MPDZ: variants seen among roughly 807,000 people sequenced by gnomAD.
MPDZ encodes the protein multiple PDZ domain crumbs cell polarity complex component, also known as multiple PDZ domain protein.
A neutral mutation model predicts 239.1 loss-of-function variants in MPDZ; 234 were observed. The ratio of observed to expected loss-of-function variants is 0.98; its 90% CI spans 0.88 to 1.09. The LOEUF is 1.09. MPDZ is among the 50% of genes least tolerant of loss of function. The pLI, the probability that MPDZ is intolerant of heterozygous loss-of-function variation, is 0.00. For synonymous variants in MPDZ, 1,048 were observed against 881.3 expected, an observed-to-expected ratio of 1.19 and a Z score of -3.35; for missense variants, 3,175 against 2,510.0, an observed-to-expected ratio of 1.26 and a Z score of -5.66.
At chr9:13,160,463 T>A (rs1191530789) in intron 23 of MPDZ, among the ~76,000 whole-genome samples, 1 of 152,136 alleles carries the variant, frequency 6.6e-6, no homozygotes, top group Non-Finnish European at 1.5e-5. Flanking sequence ...GCTTTCTTTC[T>A]AATAACTTTT....
chr9:13,261,293 T>C (rs1210623321), intron 1 of MPDZ, among the ~76,000 whole-genome samples: 3 of 151,970 alleles, frequency 2.0e-5, no homozygotes, highest in East Asian at 1.9e-4. Context: ...AAGAGGAAAA[T>C]AGAGTAACTG....
chr9:13,201,987 G>T (rs2135508758), intron 12 of MPDZ, among the ~76,000 whole-genome samples: 1 of 152,126 alleles, frequency 6.6e-6, no homozygotes, highest in African/African-American at 2.4e-5. Flanking sequence ...GAGGTTTGTT[G>T]GTTTCTTTTG....
chr9:13,178,413 T>C (rs1034636033), intron 19 of MPDZ, among the ~76,000 whole-genome samples: 1 of 152,188 alleles, frequency 6.6e-6, no homozygotes, highest in African/African-American at 2.4e-5. Context: ...TATTACTATG[T>C]GTGTTCCTGA....
intron 2 of MPDZ, among the ~76,000 whole-genome samples, chr9:13,249,369 T>G (rs1967273380): frequency 6.6e-6 from 1 of 152,176 alleles, no homozygotes; most frequent in African/African-American, 2.4e-5. Context: ...ACTTTCCTAT[T>G]AAGAACTTTC....
chr9:13,199,367 T>C (rs989400787), intron 12 of MPDZ, among the ~76,000 whole-genome samples: 1 of 152,114 alleles, frequency 6.6e-6, no homozygotes, highest in Non-Finnish European at 1.5e-5. Flanking sequence ...CCTGCAACTT[T>C]ACTAAATTCA....
intron 12 of MPDZ, among the ~76,000 whole-genome samples, chr9:13,197,177 T>A (rs199935548): frequency 2.9e-5 from 4 of 137,084 alleles, no homozygotes; most frequent in Admixed American, 7.3e-5. Flanking sequence ...ATATATATAT[T>A]TTTAGTTTGA....
chr9:13,109,072 A>G lies in MPDZ; in HGVS notation c.5943-13T>C. The G allele has an allele frequency of 7.2e-7, 1 of 1,381,732 alleles. No individual in the cohort carries two copies. Among genetic ancestry groups the G allele is most frequent in the Non-Finnish European group, 9.4e-7 (1 of 1,063,412 alleles). 85.6% of individuals were successfully genotyped at this position (1,381,732 alleles called of 1,614,324 possible). A position where few individuals can be genotyped will look rare whatever the true frequency, so the allele number is the denominator to read the frequency against. On this transcript the variant is annotated splice_polypyrimidine_tract_variant and intron_variant, in intron 45 of 46. Coordinates refer to ENST00000319217, the MANE Select transcript of MPDZ (RefSeq NM_001378778.1). ...ACATTGAGGAGGTCTACGGTGAAGG[A>G]AAGGAAAAAGAGGTTTTAAATTAAA...
chr9:13,144,086 A>G (rs1321187457), intron 26 of MPDZ, among the ~76,000 whole-genome samples: 2 of 152,048 alleles, frequency 1.3e-5, no homozygotes, highest in East Asian at 3.9e-4. Context: ...ACTGGATATT[A>G]AAGTGCTTCA....
intron 21 of MPDZ, 104 bp from the exon 22 acceptor site, chr9:13,168,668 T>A: frequency 1.1e-6 from 1 of 913,782 alleles, no homozygotes; most frequent in Non-Finnish European, 1.6e-6. Flanking sequence ...AAAATACAAG[T>A]AACATTTCAG....
At chr9:13,210,514 G>C (rs138830319) in intron 10 of MPDZ, among the ~76,000 whole-genome samples, 103 of 151,792 alleles carry the variant, frequency 6.8e-4, no homozygotes, top group African/African-American at 2.4e-3. Context: ...ACCTGCAGAA[G>C]AGGCAATGCA....
Position 13,223,571 on chromosome 9 carries a change from C to G in MPDZ, c.533G>C (p.Arg178Thr). The G allele has an allele frequency of 6.2e-7, 1 of 1,609,954 alleles. No individual in the cohort carries two copies. The highest frequency in any genetic ancestry group is 1.1e-5 in the South Asian group (1 of 90,522). Residue 178 changes from arginine to threonine, a missense_variant and splice_region_variant, in exon 5 of 47, where the codon AGA becomes ACA. Physicochemically the swap from Arg to Thr is moderately conservative, Grantham distance 71. Coordinates refer to ENST00000319217, the MANE Select transcript of MPDZ (RefSeq NM_001378778.1). ...AAAGAAGACGCCGCGACCATCTCACCTATGGGCCACACTGCCCTCTTGTAT... is the reference window on the plus strand; with the variant it reads ...AAAGAAGACGCCGCGACCATCTCACGTATGGGCCACACTGCCCTCTTGTAT... ...QEIQEGSVAHRDGRLKETDQI... is the reference protein window; with the variant it reads ...QEIQEGSVAHTDGRLKETDQI...
chr9:13,156,848 G>C (rs1478671184), intron 24 of MPDZ, among the ~76,000 whole-genome samples: 1 of 152,026 alleles, frequency 6.6e-6, no homozygotes, highest in East Asian at 1.9e-4. Flanking sequence ...AAATAAATAA[G>C]ACACTTAACA....
chr9:13,137,883 G>T, intron 29 of MPDZ, 74 bp downstream of exon 29: 1 of 1,452,082 alleles, frequency 6.9e-7, no homozygotes, highest in South Asian at 1.2e-5. Context: ...AGGTATGGGT[G>T]ATTTTCTGGA....
intron 31 of MPDZ, chr9:13,134,934 T>C (rs1393453860): frequency 1.3e-5 from 2 of 152,348 alleles, no homozygotes; most frequent in Non-Finnish European, 2.9e-5. Flanking sequence ...GCCTTCCTCC[T>C]TACTGTTGCT....
At chr9:13,239,927 G>A (rs1009274408) in intron 3 of MPDZ, among the ~76,000 whole-genome samples, 4 of 152,012 alleles carry the variant, frequency 2.6e-5, no homozygotes, top group Non-Finnish European at 5.9e-5. Context: ...CAACAATTCT[G>A]TGTTTTCTTA....
At chr9:13,268,567 A>G (rs568738039) in intron 1 of MPDZ, among the ~76,000 whole-genome samples, 15 of 152,278 alleles carry the variant, frequency 9.9e-5, no homozygotes, top group African/African-American at 3.4e-4. Flanking sequence ...CGTGATAGGT[A>G]AAGTTCCGAG....
chr9:13,203,988 T>TA (rs1240650419), intron 12 of MPDZ, among the ~76,000 whole-genome samples: 1 of 152,176 alleles, frequency 6.6e-6, no homozygotes, highest in Non-Finnish European at 1.5e-5. Context: ...GGCAGAATGT[T>TA]ATTAGTACAA....
Position 13,160,681 on chromosome 9 carries a change from T to C in MPDZ, c.3359+2010A>G, listed in dbSNP as rs187976414. 2.0e-3 allele frequency among the ~76,000 whole-genome samples: 300 copies of C among 151,504 alleles called. 2 individuals are homozygous for C. The highest frequency in any genetic ancestry group is 6.7e-3 in the African/African-American group (278 of 41,322). On this transcript the variant is annotated intron_variant, in intron 23 of 46. Coordinates refer to ENST00000319217, the MANE Select transcript of MPDZ (RefSeq NM_001378778.1). ...GTGGCTGAGCTTTGTAAGTGTAAAGTAAATATAGGCGTCTCCCCTATCCCT... is the reference window on the plus strand; with the variant it reads ...GTGGCTGAGCTTTGTAAGTGTAAAGCAAATATAGGCGTCTCCCCTATCCCT...
chr9:13,150,554 G>C lies in MPDZ; in HGVS notation c.3587C>G (p.Ala1196Gly), dbSNP rs773951043. Residue 1196 changes from alanine to glycine, a missense_variant, in exon 25 of 47, where the codon GCT becomes GGT. Ala to Gly is a moderately conservative substitution (Grantham distance 60, BLOSUM62 0). Transcript: ENST00000319217. ...FIKHVLEDSPAGKNGTLKPGD... is the reference protein window; with the variant it reads ...FIKHVLEDSPGGKNGTLKPGD... ...AGGTTTCAAGGTTCCATTTTTGCCA[G>C]CTGGACTATCTTCCAGAACATGTTT... 1.3e-5 allele frequency: 21 copies of C among 1,576,030 alleles called. No homozygotes were observed. The highest frequency in any genetic ancestry group is 3.4e-4 in the Middle Eastern group (2 of 5,944).
Sources: allele counts gnomAD v4.1 joint callset (sites outside exome capture counted in the v4.1 genomes callset), GRCh38; gene constraint gnomAD v4.1.1; transcripts MANE v1.5; gene names NCBI Gene and HGNC (gene_info 2026-07-23, HGNC 2026-07-21).